The following NFATC1 variants were observed in gnomAD, a reference collection of about 807,000 sequenced individuals.
The protein encoded by NFATC1 is nuclear factor of activated T-cells, cytoplasmic 1.
Under a neutral mutation model 76.0 loss-of-function variants are expected in NFATC1, and 22 were observed. That is an observed-to-expected ratio of 0.29 (90% confidence interval 0.21 to 0.41). The LOEUF (loss-of-function observed/expected upper bound fraction) is 0.41. NFATC1 is among the 10% of genes least tolerant of loss of function. The pLI is 1.00. For missense variants in NFATC1, 1,357 were observed against 1,337.7 expected, an observed-to-expected ratio of 1.01 and a Z score of -0.23; for synonymous variants, 704 against 613.1, an observed-to-expected ratio of 1.15 and a Z score of -2.19.
At chr18:79,511,387 C>T (rs1486188330) in intron 9 of NFATC1, among the ~76,000 whole-genome samples, 1 of 152,210 alleles carries the variant, frequency 6.6e-6, no homozygotes, top group Non-Finnish European at 1.5e-5. Flanking sequence ...GTCTCCGTAC[C>T]TCCGTGACTT....
At chr18:79,405,409 G>A (rs1467619189) in intron 1 of NFATC1, among the ~76,000 whole-genome samples, 1 of 152,252 alleles carries the variant, frequency 6.6e-6, no homozygotes, top group African/African-American at 2.4e-5. Context: ...AAGCGCCTCA[G>A]AATCGTCAAG....
At chr18:79,523,356 T>C (rs1212863256) in intron 9 of NFATC1, among the ~76,000 whole-genome samples, 1 of 152,374 alleles carries the variant, frequency 6.6e-6, no homozygotes, top group East Asian at 1.9e-4. Flanking sequence ...ACAAAACTCC[T>C]GCGTGAAACT....
chr18:79,514,502 G>A lies in NFATC1; in HGVS notation c.2783-13026G>A, dbSNP rs534517221. Reference sequence around the variant, plus strand: ...GATCGCATAAGCCTGGGAGATCAAGGCTGCAGTGAGCTGTGATCGAACCAC... The same window carrying A: ...GATCGCATAAGCCTGGGAGATCAAGACTGCAGTGAGCTGTGATCGAACCAC... On this transcript the variant is annotated intron_variant, in intron 9 of 9. Transcript: ENST00000427363. Among the ~76,000 whole-genome samples the A allele has an allele frequency of 3.6e-5, 5 of 138,386 alleles. No individual in the cohort carries two copies. The Admixed American group carries it at 4.1e-4, about 11-fold the overall frequency. The allele number at this position is 138,386 out of a possible 152,430, so 90.8% of individuals were successfully genotyped here.
At chr18:79,431,606 G>T (rs981298859) in intron 2 of NFATC1, among the ~76,000 whole-genome samples, 2 of 151,558 alleles carry the variant, frequency 1.3e-5, no homozygotes, top group Admixed American at 1.3e-4. Context: ...GCCCAGGCTG[G>T]TCTCGAACTC....
intron 1 of NFATC1, chr18:79,409,943 G>C (rs569814733): frequency 2.0e-6 from 1 of 490,144 alleles, no homozygotes; most frequent in Non-Finnish European, 4.1e-6. Flanking sequence ...GATGGCCCAC[G>C]TGTTGAGTTT....
chr18:79,497,466 G>T (rs534090053), intron 9 of NFATC1: 1 of 152,206 alleles, frequency 6.6e-6, no homozygotes. Context: ...GATGCAGTCC[G>T]CATTTGGACT....
Position 79,443,043 on chromosome 18 carries a change from G to A in NFATC1, c.1387-5739G>A, listed in dbSNP as rs530114104. On this transcript the variant is annotated intron_variant, in intron 3 of 9. Coordinates refer to ENST00000427363, the MANE Select transcript of NFATC1 (RefSeq NM_001278669.2). ...ACTTATGTTGAAACAGCCCTTCCCG[G>A]TCAGGACTGAGCCTGTGGCTGAGTG... is the stretch of plus-strand genomic sequence containing the variant. Among the ~76,000 whole-genome samples the A allele has an allele frequency of 6.6e-5, 10 of 152,326 alleles. No homozygotes were observed. In the East Asian group the frequency reaches 1.9e-3, roughly 29 times the overall value.
At chr18:79,427,430 G>GTA (rs1568947946) in intron 2 of NFATC1, among the ~76,000 whole-genome samples, 2 of 89,038 alleles carry the variant, frequency 2.2e-5, no homozygotes, top group Non-Finnish European at 4.9e-5. Context: ...TGCGGTGGGT[G>GTA]GGGGGGAGCT....
chr18:79,444,281 T>C (rs2087104732), intron 3 of NFATC1, among the ~76,000 whole-genome samples: 1 of 152,120 alleles, frequency 6.6e-6, no homozygotes, highest in Non-Finnish European at 1.5e-5. Flanking sequence ...CCCACGTGTG[T>C]TCACAGAACA....
At position 79,405,466 on chromosome 18, in the gene NFATC1, A is replaced by G. The variant is rs1005780674; in HGVS notation, c.128-4937A>G. 4.9e-4 allele frequency among the ~76,000 whole-genome samples: 74 copies of G among 152,352 alleles called. 1 individual carries two copies. The highest frequency in any genetic ancestry group is 1.8e-3 in the African/African-American group (74 of 41,580). On this transcript the variant is annotated intron_variant, in intron 1 of 9. Coordinates refer to ENST00000427363, the MANE Select transcript of NFATC1 (RefSeq NM_001278669.2). ...CCTTCATGTAAATATGATCCCTTTG[A>G]ATAGTTAAATAACTCAGATTTGAAT...
intron 9 of NFATC1, among the ~76,000 whole-genome samples, chr18:79,494,298 C>G (rs1218335021): frequency 2.8e-5 from 4 of 141,078 alleles, no homozygotes; most frequent in African/African-American, 2.6e-5. Flanking sequence ...AAGGCGAGAG[C>G]GGGCACACGC....
chr18:79,411,304 GC>G lies in NFATC1; in HGVS notation c.1032del (p.Ser345GlnfsTer64). On this transcript the variant is annotated frameshift_variant, in exon 2 of 10. Coordinates refer to ENST00000427363, the MANE Select transcript of NFATC1 (RefSeq NM_001278669.2). LOFTEE classifies it high-confidence loss of function. ...KSRKTTLEQP[P>X]SVALKVEPVG... ...CCCGCAAGACCACCCTGGAGCAGCC[GC>G]CCTCAGTGGCGCTCAAGGTGGAGCC... 6.2e-7 allele frequency: 1 copy of G among 1,603,000 alleles called. No homozygotes were observed.
chr18:79,493,284 G>A (rs1199027312), intron 9 of NFATC1: 1 of 152,278 alleles, frequency 6.6e-6, no homozygotes, highest in Non-Finnish European at 1.5e-5. Flanking sequence ...ACGCGCTCGC[G>A]CGCTGAGAGC....
intron 3 of NFATC1, among the ~76,000 whole-genome samples, chr18:79,445,862 G>A (rs941229870): frequency 5.3e-5 from 8 of 152,106 alleles, no homozygotes; most frequent in Non-Finnish European, 1.2e-4. Flanking sequence ...TCCCTCCCCT[G>A]GGTGCACGCA....
chr18:79,396,223 G>C lies in NFATC1; in HGVS notation c.-2G>C. 1 of 1,484,220 alleles carries C rather than the reference G, an allele frequency of 6.7e-7. No individual in the cohort carries two copies. The highest frequency in any genetic ancestry group is 9.0e-7 in the Non-Finnish European group (1 of 1,109,164). The allele number at this position is 1,484,220 out of a possible 1,614,324, so 91.9% of individuals were successfully genotyped here. A position where few individuals can be genotyped will look rare whatever the true frequency, so the allele number is the denominator to read the frequency against. ...GCTCCACTCCCCGCCGCCGCCGCGCGGATGCCAAGCACCAGCTTTCCAGTC... is the reference window on the plus strand; with the variant it reads ...GCTCCACTCCCCGCCGCCGCCGCGCCGATGCCAAGCACCAGCTTTCCAGTC... On this transcript the variant is annotated 5_prime_UTR_variant, in exon 1 of 10. Coordinates refer to ENST00000427363, the MANE Select transcript of NFATC1 (RefSeq NM_001278669.2).
intron 3 of NFATC1, 22 bp from the exon 4 acceptor site, chr18:79,448,760 G>T (rs144316932): frequency 1.9e-6 from 3 of 1,609,282 alleles, no homozygotes; most frequent in Non-Finnish European, 2.5e-6. Context: ...TGCTGAGCAG[G>T]TGTTTTCTGT....
Position 79,512,707 on chromosome 18 carries a change from C to T in NFATC1, c.2783-14821C>T, listed in dbSNP as rs562428934. On this transcript the variant is annotated intron_variant, in intron 9 of 9. Coordinates refer to ENST00000427363, the MANE Select transcript of NFATC1 (RefSeq NM_001278669.2). ...CTGGATGCGGCACCTGTGCCCTCTG[C>T]TGCGCTCTGGGCTGTGGCTGCCGTT... Among the ~76,000 whole-genome samples, 3 of 152,382 alleles carry T rather than the reference C, an allele frequency of 2.0e-5. No individual in the cohort carries two copies. The South Asian group carries it at 6.2e-4, about 32-fold the overall frequency.
intron 7 of NFATC1, among the ~76,000 whole-genome samples, chr18:79,464,707 T>TATA (rs1568994833): frequency 6.8e-5 from 8 of 117,318 alleles, no homozygotes; most frequent in African/African-American, 3.4e-4. Flanking sequence ...TATTTATTTA[T>TATA]TTATTTTTTT....
intron 2 of NFATC1, among the ~76,000 whole-genome samples, chr18:79,414,580 T>A (rs1395331419): frequency 6.6e-6 from 1 of 152,182 alleles, no homozygotes; most frequent in East Asian, 1.9e-4. Flanking sequence ...GTGAAGTTAG[T>A]AAGAGTAGGT....
Sources: gnomAD v4.1 joint callset for allele counts (sites outside exome capture counted in the v4.1 genomes callset) on GRCh38, gnomAD v4.1.1 for gene constraint, MANE v1.5 for transcripts, NCBI Gene and HGNC (gene_info 2026-07-23, HGNC 2026-07-21) for gene names.